EDNRA: variants seen among roughly 807,000 people sequenced by gnomAD.
The protein encoded by EDNRA is endothelin receptor type A, also known as endothelin-1 receptor.
Under a neutral mutation model 41.4 loss-of-function variants are expected in EDNRA, and 11 were observed. The ratio of observed to expected loss-of-function variants is 0.27; its 90% CI spans 0.17 to 0.44. EDNRA has a LOEUF of 0.44. EDNRA is among the 20% of genes least tolerant of loss of function. The probability of loss-of-function intolerance (pLI) is 1.00; values close to 1 mark genes in which losing one functional copy is unlikely to be tolerated. For missense variants in EDNRA, 294 were observed against 531.0 expected (o/e 0.55, Z 4.39); for synonymous variants, 172 against 183.0 (o/e 0.94, Z 0.49).
At chr4:147,528,251 A>G (rs1730620665) in intron 3 of EDNRA, among the ~76,000 whole-genome samples, 1 of 152,184 alleles carries the variant, frequency 6.6e-6, no homozygotes, top group African/African-American at 2.4e-5. Context: ...TTCATTCAAC[A>G]GGTATTTATT....
At chr4:147,504,144 G>A (rs888748612) in intron 2 of EDNRA, among the ~76,000 whole-genome samples, 1 of 152,022 alleles carries the variant, frequency 6.6e-6, no homozygotes, top group African/African-American at 2.4e-5. Context: ...AAAAAATGTC[G>A]TTTAAAAAAG....
intron 2 of EDNRA, among the ~76,000 whole-genome samples, chr4:147,500,984 C>A (rs16998721): frequency 0.046 from 7,028 of 152,118 alleles, 521 homozygotes; most frequent in African/African-American, 0.16. Context: ...GCCCTCCAAA[C>A]AGGCTGGTGT....
chr4:147,505,326 C>CTTTTTTTTTTTTTTT lies in EDNRA; in HGVS notation c.421-14525_421-14524insTTTTTTTTTTTTTTT, dbSNP rs1729660192. On this transcript the variant is annotated intron_variant, in intron 2 of 7. Coordinates refer to ENST00000651419, the MANE Select transcript of EDNRA (RefSeq NM_001957.4). ...AAGAGAGTTTGGCAGTTTCTTTTTT[C>CTTTTTTTTTTTTTTT]ATTTTTTTTTTTTTTTTTTTTTTTT... Among the ~76,000 whole-genome samples, 15 of 82,018 alleles carry CTTTTTTTTTTTTTTT rather than the reference C, an allele frequency of 1.8e-4. 1 individual carries two copies. The highest frequency in any genetic ancestry group is 7.6e-4 in the African/African-American group (14 of 18,394). The allele number at this position is 82,018 out of a possible 152,430, so 53.8% of individuals were successfully genotyped here. A position where few individuals can be genotyped will look rare whatever the true frequency, so the allele number is the denominator to read the frequency against.
intron 4 of EDNRA, among the ~76,000 whole-genome samples, chr4:147,535,244 T>A (rs1243306582): frequency 1.3e-5 from 2 of 152,224 alleles, no homozygotes; most frequent in African/African-American, 4.8e-5. Flanking sequence ...ATACCAGATA[T>A]GCTTCAGTTG....
chr4:147,535,101 T>C (rs1730874855), intron 4 of EDNRA, among the ~76,000 whole-genome samples: 1 of 152,184 alleles, frequency 6.6e-6, no homozygotes, highest in Admixed American at 6.5e-5. Context: ...CCCAAGTTGG[T>C]GATTAATTTT....
intron 2 of EDNRA, chr4:147,491,777 T>C (rs769461208): frequency 3.3e-5 from 5 of 152,212 alleles, no homozygotes; most frequent in Non-Finnish European, 7.4e-5. Context: ...CCAAGAATCA[T>C]GCTATCATCA....
chr4:147,500,871 A>T, intron 2 of EDNRA, among the ~76,000 whole-genome samples: 1 of 152,182 alleles, frequency 6.6e-6, no homozygotes, highest in East Asian at 1.9e-4. Flanking sequence ...GGACTCTCAA[A>T]ATGTGAGGAG....
intron 4 of EDNRA, among the ~76,000 whole-genome samples, chr4:147,534,353 G>T (rs967313352): frequency 6.6e-6 from 1 of 152,200 alleles, no homozygotes; most frequent in Non-Finnish European, 1.5e-5. Flanking sequence ...GTTGGGAACA[G>T]GGAAATGTTT....
intron 3 of EDNRA, among the ~76,000 whole-genome samples, chr4:147,523,460 TG>T (rs1331966750): frequency 2.2e-5 from 3 of 138,598 alleles, no homozygotes; most frequent in African/African-American, 3.2e-5. Context: ...GTTGGGTGTT[TG>T]TTTTTTTTTG....
chr4:147,494,300 G>A (rs1729233587), intron 2 of EDNRA: 1 of 152,188 alleles, frequency 6.6e-6, no homozygotes, highest in Admixed American at 6.5e-5. Flanking sequence ...AGGGAAATAA[G>A]TAAGTAAATA....
rs943028475 is a variant in EDNRA, at chr4:147,540,784, A to G, written c.1143+299A>G. On this transcript the variant is annotated intron_variant, in intron 7 of 7. Transcript: ENST00000651419. ...TCAATGTATGCTCCAGGCCACAGAGAGTACATAAGACCTATTCATACCTTA... is the reference window on the plus strand; with the variant it reads ...TCAATGTATGCTCCAGGCCACAGAGGGTACATAAGACCTATTCATACCTTA... 3.9e-5 allele frequency among the ~76,000 whole-genome samples: 6 copies of G among 152,330 alleles called. 1 individual carries two copies. The highest frequency in any genetic ancestry group is 3.9e-4 in the Admixed American group (6 of 15,296).
chr4:147,541,884 G>A (rs1390046120), intron 7 of EDNRA, among the ~76,000 whole-genome samples: 2 of 152,016 alleles, frequency 1.3e-5, no homozygotes, highest in Non-Finnish European at 2.9e-5. Flanking sequence ...ATTGGGGGAG[G>A]GAAAATCAAG....
At chr4:147,485,472 A>G (rs983083794) in intron 1 of EDNRA, 140 bp from the exon 2 acceptor site, 2 of 645,762 alleles carry the variant, frequency 3.1e-6, no homozygotes, top group Admixed American at 3.3e-5. Context: ...TTGCTCTGTC[A>G]TAGGGTAACC....
chr4:147,500,743 TAAAA>T (rs11405111), intron 2 of EDNRA, among the ~76,000 whole-genome samples: 1 of 129,536 alleles, frequency 7.7e-6, no homozygotes, highest in Non-Finnish European at 1.7e-5. Flanking sequence ...GGGATGGAGG[TAAAA>T]AAAAAAAAAA....
At chr4:147,515,660 A>C (rs563485066) in intron 2 of EDNRA, among the ~76,000 whole-genome samples, 1 of 152,258 alleles carries the variant, frequency 6.6e-6, no homozygotes, top group Admixed American at 6.5e-5. Flanking sequence ...TAGGGCATAA[A>C]TTTCACAACT....
At chr4:147,525,864 G>T (rs1044526112) in intron 3 of EDNRA, among the ~76,000 whole-genome samples, 5 of 152,330 alleles carry the variant, frequency 3.3e-5, no homozygotes, top group African/African-American at 9.6e-5. Context: ...TGGCTGAAAA[G>T]CTGATGTCAG....
intron 2 of EDNRA, among the ~76,000 whole-genome samples, chr4:147,511,615 CT>C (rs1363508889): frequency 6.6e-6 from 1 of 152,050 alleles, no homozygotes; most frequent in Admixed American, 6.6e-5. Flanking sequence ...TTTGTTTTCC[CT>C]TTTTCCTATT....
In EDNRA at chr4:147,528,085, TA is replaced by T; in HGVS notation, c.549-4419del. Among the ~76,000 whole-genome samples the T allele has an allele frequency of 2.0e-5, 3 of 152,308 alleles. No homozygotes were observed. In the East Asian group the frequency reaches 5.8e-4, roughly 29 times the overall value. On this transcript the variant is annotated intron_variant, in intron 3 of 7. Transcript: ENST00000651419. Reference sequence around the variant, plus strand: ...TTAGCTTTAGCCAATTAAGGTAAGGTAAGGTTACACAGTACATCTGTGTAAA... The same window carrying T: ...TTAGCTTTAGCCAATTAAGGTAAGGTAGGTTACACAGTACATCTGTGTAAA...
At chr4:147,532,787 GCCACA>G in intron 4 of EDNRA, 83 bp downstream of exon 4, 5 of 1,387,850 alleles carry the variant, frequency 3.6e-6, no homozygotes, top group Non-Finnish European at 4.1e-6. Flanking sequence ...TGATGACATC[GCCACA>G]ATGTCAAGTG....
Sources: allele counts gnomAD v4.1 joint callset (sites outside exome capture counted in the v4.1 genomes callset), GRCh38; gene constraint gnomAD v4.1.1; transcripts MANE v1.5; gene names NCBI Gene and HGNC (gene_info 2026-07-23, HGNC 2026-07-21).